CYBA: variants seen among roughly 807,000 people sequenced by gnomAD.
The protein encoded by CYBA is cytochrome b-245 light chain.
A neutral mutation model predicts 20.8 loss-of-function variants in CYBA; 21 were observed. The observed-to-expected ratio is 1.01, with a 90% CI of 0.72 to 1.46. The LOEUF is 1.46. CYBA is among the 40% of genes most tolerant of loss of function. The probability of loss-of-function intolerance (pLI) is 0.00; values close to 1 mark genes in which losing one functional copy is unlikely to be tolerated. For synonymous variants in CYBA, 164 were observed against 127.5 expected (o/e 1.29, Z -1.93); for missense variants, 344 against 287.0 (o/e 1.20, Z -1.43).
At position 88,648,413 on chromosome 16, in the gene CYBA, AC is replaced by A. The variant is rs35099352; in HGVS notation, c.59-300del. Among the ~76,000 whole-genome samples, 14,182 of 151,734 alleles carry A rather than the reference AC, an allele frequency of 0.093. 733 individuals are homozygous for A. The highest frequency in any genetic ancestry group is 0.15 in the South Asian group (724 of 4,796). On this transcript the variant is annotated intron_variant, in intron 1 of 5. Coordinates refer to ENST00000261623, the MANE Select transcript of CYBA (RefSeq NM_000101.4). ...AGTGGGCTCTGGGACCCCCAAATGG[AC>A]CCCCTTGTCACCATGAGTCTTTGTT...
chr16:88,649,033 G>A (rs1454435170), intron 1 of CYBA, among the ~76,000 whole-genome samples: 1 of 150,946 alleles, frequency 6.6e-6, no homozygotes, highest in Non-Finnish European at 1.5e-5. Flanking sequence ...CACCTCCCAG[G>A]TTGAAGCGAT....
chr16:88,648,898 C>A (rs1360124291), intron 1 of CYBA, among the ~76,000 whole-genome samples: 1 of 141,090 alleles, frequency 7.1e-6, no homozygotes, highest in Non-Finnish European at 1.5e-5. Flanking sequence ...GGATTACAGG[C>A]ATGAGCCACG....
At chr16:88,647,694 A>G in intron 2 of CYBA, 1 of 419,074 alleles carries the variant, frequency 2.4e-6, no homozygotes, top group Non-Finnish European at 4.5e-6. Context: ...CAGGGCTGAG[A>G]TGGGGCAGAG....
Position 88,643,654 on chromosome 16 carries a change from G to C in CYBA, c.370-83C>G, listed in dbSNP as rs1035086150. On this transcript the variant is annotated intron_variant, in intron 5 of 5. Coordinates refer to ENST00000261623, the MANE Select transcript of CYBA (RefSeq NM_000101.4). This position sits in a 1 kb window ranked among gnomAD's most constrained non-coding sequence, Gnocchi z 4.3. ...CCTCCCCGGAGGCCCACCCCGCTAG[G>C]GGCCCTGGGACAGGCTCAAGTCTGA... 33 of 1,297,786 alleles carry C rather than the reference G, an allele frequency of 2.5e-5. No homozygotes were observed. The highest frequency in any genetic ancestry group is 1.6e-5 in the Non-Finnish European group (15 of 941,864). 80.4% of individuals were successfully genotyped at this position (1,297,786 alleles called of 1,614,324 possible).
chr16:88,645,130 A>C (rs1484136429), intron 5 of CYBA: 8 of 699,074 alleles, frequency 1.1e-5, no homozygotes, highest in Middle Eastern at 3.1e-4. Context: ...CTCTGGGTTT[A>C]GCACAAGGAA....
At chr16:88,648,161 G>A (rs770694725) in intron 1 of CYBA, 47 bp from the exon 2 acceptor site, 1 of 1,558,982 alleles carries the variant, frequency 6.4e-7, no homozygotes, top group Non-Finnish European at 8.7e-7. Flanking sequence ...CGTCCCGGGG[G>A]CCTGGGCCAC....
intron 2 of CYBA, 75 bp from the exon 3 acceptor site, chr16:88,647,250 A>C: frequency 7.0e-7 from 1 of 1,422,884 alleles, no homozygotes; most frequent in Non-Finnish European, 9.8e-7. Flanking sequence ...TGAAGACAAC[A>C]CAGAGAGGGG....
chr16:88,645,614 T>C (rs1907248884), intron 5 of CYBA: 1 of 600,554 alleles, frequency 1.7e-6, no homozygotes, highest in African/African-American at 1.9e-5. Context: ...GAGAGATCAC[T>C]GTATCCCATG....
chr16:88,643,314 G>C lies in CYBA; in HGVS notation c.*39C>G. On this transcript the variant is annotated 3_prime_UTR_variant, in exon 6 of 6. Coordinates refer to ENST00000261623, the MANE Select transcript of CYBA (RefSeq NM_000101.4). This position sits in a 1 kb window ranked among gnomAD's most constrained non-coding sequence, Gnocchi z 4.3. ...TCCCGGCTTCGCTGCATTTATTGCA[G>C]GTGGGTGCACCTGGCGGGAGGGCAG... 7.1e-7 allele frequency: 1 copy of C among 1,406,764 alleles called. No individual in the cohort carries two copies. The highest frequency in any genetic ancestry group is 9.5e-7 in the Non-Finnish European group (1 of 1,054,078). 87.1% of individuals were successfully genotyped at this position (1,406,764 alleles called of 1,614,324 possible).
intron 2 of CYBA, 112 bp from the exon 3 acceptor site, chr16:88,647,287 A>G: frequency 9.6e-7 from 1 of 1,044,118 alleles, no homozygotes; most frequent in South Asian, 1.3e-5. Context: ...CATGCCTGGA[A>G]TCCCAGCATT....
At chr16:88,648,620 GT>G (rs532880870) in intron 1 of CYBA, among the ~76,000 whole-genome samples, 264 of 140,334 alleles carry the variant, frequency 1.9e-3, no homozygotes, top group Middle Eastern at 0.011. Context: ...CCCCCTTACT[GT>G]TTTTTTTTTT....
intron 1 of CYBA, chr16:88,650,285 C>A (rs958979698): frequency 1.6e-5 from 7 of 433,784 alleles, no homozygotes; most frequent in African/African-American, 6.0e-5. Context: ...TGGCCCTGGT[C>A]CCGAGAGGGT....
At chr16:88,645,784 C>G (rs980355213) in intron 5 of CYBA, 16 of 539,598 alleles carry the variant, frequency 3.0e-5, no homozygotes, top group Non-Finnish European at 5.0e-5. Flanking sequence ...GCACGGTCTT[C>G]GGCCGGCTGC....
chr16:88,646,963 A>G, intron 3 of CYBA, 125 bp from the exon 4 acceptor site: 1 of 1,183,044 alleles, frequency 8.5e-7, no homozygotes, highest in East Asian at 2.5e-5. Flanking sequence ...CCGGGCAGGC[A>G]CCGGCCTTGG....
At position 88,643,295 on chromosome 16, in the gene CYBA, C is replaced by T; in HGVS notation, c.*58G>A. 7.6e-7 allele frequency: 1 copy of T among 1,320,940 alleles called. No individual in the cohort carries two copies. Among genetic ancestry groups the T allele is most frequent in the Non-Finnish European group, 1.0e-6 (1 of 992,132 alleles). The allele number at this position is 1,320,940 out of a possible 1,614,324, so 81.8% of individuals were successfully genotyped here. On this transcript the variant is annotated 3_prime_UTR_variant, in exon 6 of 6. Coordinates refer to ENST00000261623, the MANE Select transcript of CYBA (RefSeq NM_000101.4). This position sits in a 1 kb window ranked among gnomAD's most constrained non-coding sequence, Gnocchi z 4.3. ...CAGGCAGAGGCTCACGCGCTCCCGGCTTCGCTGCATTTATTGCAGGTGGGT... is the reference window on the plus strand; with the variant it reads ...CAGGCAGAGGCTCACGCGCTCCCGGTTTCGCTGCATTTATTGCAGGTGGGT...
chr16:88,643,323 A>C lies in CYBA; in HGVS notation c.*30T>G, dbSNP rs1446286325. 6.9e-7 allele frequency: 1 copy of C among 1,447,882 alleles called. No homozygotes were observed. The highest frequency in any genetic ancestry group is 9.2e-7 in the Non-Finnish European group (1 of 1,087,020). 89.7% of individuals were successfully genotyped at this position (1,447,882 alleles called of 1,614,324 possible). On this transcript the variant is annotated 3_prime_UTR_variant, in exon 6 of 6. Transcript: ENST00000261623. The surrounding 1 kb of genome is among the most constrained non-coding windows in gnomAD (Gnocchi z 4.3). ...CGCTGCATTTATTGCAGGTGGGTGC[A>C]CCTGGCGGGAGGGCAGGTCCGGGGC...
chr16:88,643,643 C>T lies in CYBA; in HGVS notation c.370-72G>A, dbSNP rs1907172679. 2.1e-6 allele frequency: 3 copies of T among 1,396,728 alleles called. No homozygotes were observed. Among genetic ancestry groups the T allele is most frequent in the South Asian group, 2.5e-5 (2 of 80,822 alleles). 86.5% of individuals were successfully genotyped at this position (1,396,728 alleles called of 1,614,324 possible). On this transcript the variant is annotated intron_variant, in intron 5 of 5. Transcript: ENST00000261623. The surrounding 1 kb of genome is among the most constrained non-coding windows in gnomAD (Gnocchi z 4.3). ...CTCCCTCCCTCCCTCCCCGGAGGCCCACCCCGCTAGGGGCCCTGGGACAGG... is the reference window on the plus strand; with the variant it reads ...CTCCCTCCCTCCCTCCCCGGAGGCCTACCCCGCTAGGGGCCCTGGGACAGG...
In CYBA at chr16:88,645,350, G is replaced by A. The variant is rs150227789; in HGVS notation, c.369+766C>T. ...GCGGAAGGCGTACACAGAAAGTGCT[G>A]CACCTTTCCCACGCACACACACTAG... On this transcript the variant is annotated intron_variant, in intron 5 of 5. Transcript: ENST00000261623. The A allele has an allele frequency of 1.0e-3, 728 of 702,478 alleles. 2 individuals carry two copies. In the African/African-American group the frequency reaches 0.011, roughly 11 times the overall value. The allele number at this position is 702,478 out of a possible 1,614,324, so 43.5% of individuals were successfully genotyped here. A position where few individuals can be genotyped will look rare whatever the true frequency, so the allele number is the denominator to read the frequency against.
chr16:88,650,834 C>A, intron 1 of CYBA, 122 bp downstream of exon 1: 1 of 1,137,570 alleles, frequency 8.8e-7, no homozygotes, highest in Non-Finnish European at 1.3e-6. Flanking sequence ...TGGCCTGACC[C>A]CGGCCCGGCC....
Sources: gnomAD v4.1 joint callset for allele counts (sites outside exome capture counted in the v4.1 genomes callset) on GRCh38, gnomAD v4.1.1 for gene constraint, Gnocchi (gnomAD v3.1) non-coding constraint, MANE v1.5 for transcripts, NCBI Gene and HGNC (gene_info 2026-07-23, HGNC 2026-07-21) for gene names.